PHF20: variants seen among roughly 807,000 people sequenced by gnomAD.
PHF20 encodes the protein glioma-expressed antigen 2.
Under a neutral mutation model 113.5 loss-of-function variants are expected in PHF20, and 23 were observed. The ratio of observed to expected loss-of-function variants is 0.20; its 90% CI spans 0.15 to 0.29. The LOEUF (loss-of-function observed/expected upper bound fraction) is 0.29, where lower values mean the gene tolerates loss of function less well. Among genes scored for constraint, PHF20 ranks in the 10% least tolerant of loss-of-function variants. PHF20 has a pLI of 1.00. For missense variants in PHF20, 943 were observed against 1,219.6 expected, an observed-to-expected ratio of 0.77 and a Z score of 3.38; for synonymous variants, 434 against 457.3, an observed-to-expected ratio of 0.95 and a Z score of 0.65.
intron 1 of PHF20, among the ~76,000 whole-genome samples, chr20:35,784,057 G>T (rs1273118506): frequency 5.0e-5 from 7 of 139,684 alleles, no homozygotes; most frequent in Admixed American, 1.4e-4. Flanking sequence ...TTGTTTGTGT[G>T]TTTTTTTTTT....
chr20:35,775,498 T>G (rs963751824), intron 1 of PHF20, among the ~76,000 whole-genome samples: 5 of 152,110 alleles, frequency 3.3e-5, no homozygotes, highest in African/African-American at 1.2e-4. Context: ...GGCTCATGCT[T>G]GTAATCCCAG....
Position 35,809,942 on chromosome 20 carries a change from T to G in PHF20, c.83+8337T>G, listed in dbSNP as rs535795227. On this transcript the variant is annotated intron_variant, in intron 2 of 17. Coordinates refer to ENST00000374012, the MANE Select transcript of PHF20 (RefSeq NM_016436.5). The stretch of plus-strand genomic sequence containing the variant: ...ACAGTTTGTTTGTTTGTTTATTTAT[T>G]TTTTGAGACGGAGTTTTGCTCTTGT... Among the ~76,000 whole-genome samples the G allele has an allele frequency of 3.3e-5, 5 of 152,284 alleles. No individual in the cohort carries two copies. The South Asian group carries it at 8.3e-4, about 25-fold the overall frequency.
intron 1 of PHF20, among the ~76,000 whole-genome samples, chr20:35,785,585 G>A (rs1410711757): frequency 6.6e-6 from 1 of 151,826 alleles, no homozygotes; most frequent in African/African-American, 2.4e-5. Context: ...CTCCCAATGT[G>A]CTGGGATTAC....
chr20:35,853,301 C>G (rs1290251324), intron 4 of PHF20: 1 of 150,860 alleles, frequency 6.6e-6, no homozygotes, highest in African/African-American at 2.4e-5. Flanking sequence ...AGTAGAACAA[C>G]AAGTTCGATC....
intron 1 of PHF20, among the ~76,000 whole-genome samples, chr20:35,787,438 CAA>C (rs1312904325): frequency 6.6e-6 from 1 of 152,010 alleles, no homozygotes; most frequent in Admixed American, 6.6e-5. Flanking sequence ...CTCCACCTCT[CAA>C]AGTGCTGGGA....
chr20:35,930,831 G>A (rs1484593787), intron 14 of PHF20, among the ~76,000 whole-genome samples: 3 of 152,224 alleles, frequency 2.0e-5, no homozygotes, highest in African/African-American at 7.2e-5. Context: ...TGAGGCCAGT[G>A]TAAAGGTATG....
chr20:35,797,508 T>A (rs1324652351), intron 1 of PHF20, among the ~76,000 whole-genome samples: 1 of 143,950 alleles, frequency 6.9e-6, no homozygotes, highest in Non-Finnish European at 1.5e-5. Flanking sequence ...AGTGAGACCC[T>A]GTCTCAAAAA....
chr20:35,867,848 T>A (rs2054344727), intron 6 of PHF20, among the ~76,000 whole-genome samples: 1 of 150,216 alleles, frequency 6.7e-6, no homozygotes, highest in East Asian at 1.9e-4. Flanking sequence ...CCTCTTCCTT[T>A]CCTCCTTCCT....
chr20:35,913,373 CT>C, intron 11 of PHF20, 26 bp downstream of exon 11: 2 of 1,473,480 alleles, frequency 1.4e-6, no homozygotes, highest in Non-Finnish European at 9.4e-7. Flanking sequence ...GAGGGTTTCA[CT>C]TAGGTTTCCT....
At chr20:35,840,867 T>C (rs1220078214) in intron 2 of PHF20, among the ~76,000 whole-genome samples, 1 of 152,172 alleles carries the variant, frequency 6.6e-6, no homozygotes, top group Non-Finnish European at 1.5e-5. Context: ...AATGTAGTTG[T>C]TGATTTTCCT....
At chr20:35,922,594 G>A (rs1271697224) in intron 13 of PHF20, among the ~76,000 whole-genome samples, 4 of 152,138 alleles carry the variant, frequency 2.6e-5, no homozygotes, top group African/African-American at 7.2e-5. Context: ...TCACTGGAAG[G>A]TTAAAATCCT....
intron 2 of PHF20, among the ~76,000 whole-genome samples, chr20:35,840,572 C>T (rs781557087): frequency 3.3e-5 from 5 of 152,136 alleles, no homozygotes; most frequent in African/African-American, 9.7e-5. Context: ...GAAGTCACTA[C>T]TGGCACTGCC....
At chr20:35,847,475 G>A in intron 4 of PHF20, 41 bp downstream of exon 4, 1 of 1,218,068 alleles carries the variant, frequency 8.2e-7, no homozygotes, top group Non-Finnish European at 1.2e-6. Flanking sequence ...TCATGACTTA[G>A]GTGGTGGGGG....
chr20:35,780,445 C>T (rs1462622897), intron 1 of PHF20, among the ~76,000 whole-genome samples: 2 of 151,602 alleles, frequency 1.3e-5, no homozygotes, highest in African/African-American at 4.8e-5. Context: ...CCAGGATGGT[C>T]TCGATCTGCT....
chr20:35,873,877 A>G (rs1182816993), intron 9 of PHF20, among the ~76,000 whole-genome samples: 1 of 152,240 alleles, frequency 6.6e-6, no homozygotes, highest in Non-Finnish European at 1.5e-5. Flanking sequence ...ATATTTAACC[A>G]CTTTATGTAA....
chr20:35,841,577 C>T (rs146745243), intron 2 of PHF20, among the ~76,000 whole-genome samples: 1 of 152,146 alleles, frequency 6.6e-6, no homozygotes, highest in African/African-American at 2.4e-5. Context: ...CGAGACCATC[C>T]TGGCCAACAT....
At chr20:35,882,823 T>TG (rs1039875880) in intron 9 of PHF20, among the ~76,000 whole-genome samples, 2 of 152,124 alleles carry the variant, frequency 1.3e-5, no homozygotes, top group African/African-American at 4.8e-5. Flanking sequence ...GGTCAGGAGT[T>TG]GGAGACCAGC....
intron 3 of PHF20, 63 bp downstream of exon 3, chr20:35,842,807 C>T (rs1310994560): frequency 6.9e-7 from 1 of 1,446,588 alleles, no homozygotes. Context: ...GTTTGTGTTT[C>T]AATCTTTGAT....
chr20:35,831,521 G>C (rs1291865139), intron 2 of PHF20, among the ~76,000 whole-genome samples: 3 of 152,074 alleles, frequency 2.0e-5, no homozygotes, highest in Non-Finnish European at 4.4e-5. Flanking sequence ...GAGTGCAGTG[G>C]TGTTGTGATC....
Sources: gnomAD v4.1 joint callset for allele counts (sites outside exome capture counted in the v4.1 genomes callset) on GRCh38, gnomAD v4.1.1 for gene constraint, MANE v1.5 for transcripts, NCBI Gene and HGNC (gene_info 2026-07-23, HGNC 2026-07-21) for gene names.